STAG1: variants seen among roughly 807,000 people sequenced by gnomAD.
The protein encoded by STAG1 is cohesin subunit SA-1.
In STAG1, 26 loss-of-function variants were observed where a neutral mutation model predicts 170.9. The ratio of observed to expected loss-of-function variants is 0.15; its 90% CI spans 0.11 to 0.21. The LOEUF (loss-of-function observed/expected upper bound fraction) is 0.21. Among genes scored for constraint, STAG1 ranks in the 10% least tolerant of loss-of-function variants. The probability of loss-of-function intolerance (pLI) is 1.00; values close to 1 mark genes in which losing one functional copy is unlikely to be tolerated. For synonymous variants in STAG1, 514 were observed against 497.7 expected, an observed-to-expected ratio of 1.03 and a Z score of -0.44; for missense variants, 964 against 1,509.5, an observed-to-expected ratio of 0.64 and a Z score of 5.99.
At chr3:136,536,123 A>G (rs1935609225) in intron 6 of STAG1, among the ~76,000 whole-genome samples, 1 of 152,202 alleles carries the variant, frequency 6.6e-6, no homozygotes, top group Non-Finnish European at 1.5e-5. Context: ...TATTGTTGGA[A>G]TATACTTTGG....
chr3:136,509,345 A>G lies in STAG1; in HGVS notation c.677-6566T>C, dbSNP rs982146676. ...TAGGATGTGGAAATAACCCTGGAGT[A>G]TAATACACTAAGGGGATTGCTAGGC... On this transcript the variant is annotated intron_variant, in intron 7 of 33. Transcript: ENST00000383202. Among the ~76,000 whole-genome samples the G allele has an allele frequency of 2.6e-5, 4 of 152,112 alleles. No individual in the cohort carries two copies. In the South Asian group the frequency reaches 6.2e-4, roughly 24 times the overall value.
intron 13 of STAG1, among the ~76,000 whole-genome samples, chr3:136,454,165 G>A (rs1392538901): frequency 1.3e-5 from 2 of 151,950 alleles, no homozygotes; most frequent in East Asian, 1.9e-4. Context: ...CACAATCTCC[G>A]CCTCCTAGAT....
intron 13 of STAG1, among the ~76,000 whole-genome samples, chr3:136,464,302 A>T (rs1381431912): frequency 1.3e-5 from 2 of 152,050 alleles, no homozygotes; most frequent in Non-Finnish European, 2.9e-5. Context: ...GCATGCCTGT[A>T]ATCCCAGCTA....
intron 22 of STAG1, among the ~76,000 whole-genome samples, chr3:136,395,338 T>C (rs1314313138): frequency 6.6e-6 from 1 of 152,022 alleles, no homozygotes; most frequent in Non-Finnish European, 1.5e-5. Flanking sequence ...AAGACAAAAT[T>C]TAGGCTGGGC....
chr3:136,739,695 G>T (rs1278344519), intron 1 of STAG1, among the ~76,000 whole-genome samples: 2 of 151,680 alleles, frequency 1.3e-5, no homozygotes, highest in African/African-American at 4.8e-5. Flanking sequence ...GTGGTGGCAG[G>T]CACCTGTAGT....
At chr3:136,360,411 GCTA>G (rs1936817097) in intron 26 of STAG1, among the ~76,000 whole-genome samples, 1 of 152,120 alleles carries the variant, frequency 6.6e-6, no homozygotes, top group South Asian at 2.1e-4. Flanking sequence ...TCCTCTGCCA[GCTA>G]CTAACCCATT....
At chr3:136,428,365 A>G (rs1381710887) in intron 16 of STAG1, among the ~76,000 whole-genome samples, 1 of 152,220 alleles carries the variant, frequency 6.6e-6, no homozygotes, top group Non-Finnish European at 1.5e-5. Flanking sequence ...AAAGTCCCTG[A>G]AGCCAGGAAG....
At chr3:136,380,075 T>G (rs567790775) in intron 22 of STAG1, among the ~76,000 whole-genome samples, 4 of 152,184 alleles carry the variant, frequency 2.6e-5, no homozygotes, top group Non-Finnish European at 5.9e-5. Flanking sequence ...ACCATCACCC[T>G]ACAAAGTAAA....
intron 13 of STAG1, among the ~76,000 whole-genome samples, chr3:136,455,361 C>T (rs545442424): frequency 7.9e-4 from 121 of 152,282 alleles, no homozygotes; most frequent in Middle Eastern, 3.4e-3. Context: ...TCATTTCACA[C>T]GGTGCCAACT....
intron 16 of STAG1, among the ~76,000 whole-genome samples, chr3:136,426,226 T>A (rs887609590): frequency 1.3e-5 from 2 of 151,540 alleles, no homozygotes; most frequent in African/African-American, 4.8e-5. Context: ...GCTAACACAG[T>A]GAAACCCCGT....
At chr3:136,601,615 G>C (rs962745245) in intron 4 of STAG1, among the ~76,000 whole-genome samples, 3 of 152,210 alleles carry the variant, frequency 2.0e-5, no homozygotes, top group Non-Finnish European at 4.4e-5. Flanking sequence ...AGGAGTTTGA[G>C]AGCAGCCTGG....
In STAG1 at chr3:136,639,070, C is replaced by A. The variant is rs147736596; in HGVS notation, c.-83-8089G>T. 7.2e-3 allele frequency among the ~76,000 whole-genome samples: 1,086 copies of A among 151,084 alleles called. 9 individuals are homozygous for A. The highest frequency in any genetic ancestry group is 0.012 in the Non-Finnish European group (825 of 67,794). ...CACTAAATATATGAGAGAATGCTCACACACACACACACACCTTCCTGTCAA... is the reference window on the plus strand; with the variant it reads ...CACTAAATATATGAGAGAATGCTCAAACACACACACACACCTTCCTGTCAA... On this transcript the variant is annotated intron_variant, in intron 1 of 33. Transcript: ENST00000383202.
At chr3:136,442,953 G>A (rs1048106107) in intron 15 of STAG1, among the ~76,000 whole-genome samples, 1 of 152,152 alleles carries the variant, frequency 6.6e-6, no homozygotes, top group African/African-American at 2.4e-5. Context: ...AGGCTGCAGT[G>A]AGTTATGACT....
At chr3:136,358,399 T>C (rs1312479662) in intron 27 of STAG1, among the ~76,000 whole-genome samples, 1 of 151,924 alleles carries the variant, frequency 6.6e-6, no homozygotes, top group East Asian at 1.9e-4. Context: ...TATGTGTAGT[T>C]TTTAGAGGTA....
chr3:136,738,767 GA>G (rs1341975154), intron 1 of STAG1, among the ~76,000 whole-genome samples: 1 of 152,152 alleles, frequency 6.6e-6, no homozygotes, highest in Admixed American at 6.5e-5. Context: ...TTGGATACTT[GA>G]AAATGCTGAG....
intron 1 of STAG1, among the ~76,000 whole-genome samples, chr3:136,710,771 G>A (rs1055948284): frequency 5.3e-5 from 8 of 151,486 alleles, no homozygotes. Flanking sequence ...GAAACTAAAT[G>A]CCAAAGTCCC....
chr3:136,544,064 G>A (rs1936032591), intron 5 of STAG1, among the ~76,000 whole-genome samples: 1 of 152,102 alleles, frequency 6.6e-6, no homozygotes, highest in Non-Finnish European at 1.5e-5. Flanking sequence ...TAATTCCAGA[G>A]GTTTTCCCAT....
intron 10 of STAG1, among the ~76,000 whole-genome samples, chr3:136,473,963 T>G (rs935116569): frequency 6.6e-6 from 1 of 152,222 alleles, no homozygotes; most frequent in African/African-American, 2.4e-5. Flanking sequence ...AAAGTATGTT[T>G]ATTTGTCCTT....
intron 1 of STAG1, among the ~76,000 whole-genome samples, chr3:136,662,302 C>T (rs1480389308): frequency 6.6e-6 from 1 of 152,032 alleles, no homozygotes; most frequent in Admixed American, 6.6e-5. Flanking sequence ...CAGGTACCTG[C>T]CACCATGCTC....
Sources: gnomAD v4.1 joint callset for allele counts (sites outside exome capture counted in the v4.1 genomes callset) on GRCh38, gnomAD v4.1.1 for gene constraint, MANE v1.5 for transcripts, NCBI Gene and HGNC (gene_info 2026-07-23, HGNC 2026-07-21) for gene names.